NSMAF: variants seen among roughly 807,000 people sequenced by gnomAD.
NSMAF encodes neutral sphingomyelinase activation associated factor, also known as protein FAN.
Under a neutral mutation model 134.9 loss-of-function variants are expected in NSMAF, and 90 were observed. The ratio of observed to expected loss-of-function variants is 0.67; its 90% confidence interval spans 0.56 to 0.79. The LOEUF is 0.79. Ranked by LOEUF, NSMAF falls within the 30% of genes least tolerant of loss-of-function variation. NSMAF has a pLI of 0.00. For synonymous variants in NSMAF, 358 were observed against 389.6 expected (o/e 0.92, Z 0.96); for missense variants, 1,010 against 1,119.0 (o/e 0.90, Z 1.39).
intron 2 of NSMAF, chr8:58,639,908 A>G (rs903067631): frequency 3.1e-6 from 1 of 325,078 alleles, no homozygotes; most frequent in Non-Finnish European, 6.1e-6. Context: ...CAAATACTAC[A>G]TGATTTCACG....
chr8:58,659,732 T>C lies in NSMAF; in HGVS notation c.-101A>G. The C allele has an allele frequency of 1.0e-6, 1 of 960,842 alleles. No individual in the cohort carries two copies. Among genetic ancestry groups the C allele is most frequent in the Non-Finnish European group, 1.4e-6 (1 of 739,260 alleles). The allele number at this position is 960,842 out of a possible 1,614,324, so 59.5% of individuals were successfully genotyped here. On this transcript the variant is annotated 5_prime_UTR_variant, in exon 1 of 31. Transcript: ENST00000038176. Reference sequence around the variant, plus strand: ...GGGGAGGGCGGGATTGGTGGCCGGCTGGGGAGCGCGCGGCTGCCGGCCTGG... The same window carrying C: ...GGGGAGGGCGGGATTGGTGGCCGGCCGGGGAGCGCGCGGCTGCCGGCCTGG...
At chr8:58,589,716 C>G in intron 25 of NSMAF, 141 bp from the exon 26 acceptor site, 1 of 825,760 alleles carries the variant, frequency 1.2e-6, no homozygotes, top group Non-Finnish European at 1.7e-6. Context: ...TCTCAAATTA[C>G]TAAATCAAAA....
chr8:58,626,091 CTTTTT>C (rs1225264071), intron 6 of NSMAF, among the ~76,000 whole-genome samples: 1 of 99,370 alleles, frequency 1.0e-5, no homozygotes. Context: ...TTATATAATT[CTTTTT>C]TTTTTTTTTT....
intron 9 of NSMAF, among the ~76,000 whole-genome samples, 180 bp from the exon 10 acceptor site, chr8:58,609,913 G>GA (rs1271270894): frequency 2.6e-5 from 4 of 152,132 alleles, no homozygotes; most frequent in Non-Finnish European, 4.4e-5. Flanking sequence ...GAAATGGCAT[G>GA]ATAAAAACTC....
Position 58,586,440 on chromosome 8 carries a change from A to G in NSMAF, c.2446+18T>C. 2.5e-6 allele frequency: 4 copies of G among 1,608,524 alleles called. No homozygotes were observed. Among genetic ancestry groups the G allele is most frequent in the Non-Finnish European group, 3.4e-6 (4 of 1,175,886 alleles). ...CAATTTACCTAGTATTATCTGTTTTAAAAAGGATAATATCTACCTGGGCTA... is the reference window on the plus strand; with the variant it reads ...CAATTTACCTAGTATTATCTGTTTTGAAAAGGATAATATCTACCTGGGCTA... On this transcript the variant is annotated intron_variant, in intron 28 of 30. Coordinates refer to ENST00000038176, the MANE Select transcript of NSMAF (RefSeq NM_003580.4).
chr8:58,659,642 C>A lies in NSMAF; in HGVS notation c.-11G>T. On this transcript the variant is annotated 5_prime_UTR_variant, in exon 1 of 31. Transcript: ENST00000038176. ...CCGGATAAACGCCATGGAGGGTAGG[C>A]GCGGGCGGGCGCAGAGCGCACAGGC... 7.0e-7 allele frequency: 1 copy of A among 1,426,644 alleles called. No individual in the cohort carries two copies. Among genetic ancestry groups the A allele is most frequent in the Non-Finnish European group, 9.2e-7 (1 of 1,091,212 alleles). The allele number at this position is 1,426,644 out of a possible 1,614,324, so 88.4% of individuals were successfully genotyped here.
chr8:58,593,684 T>C (rs757253360), intron 23 of NSMAF, among the ~76,000 whole-genome samples: 1 of 152,256 alleles, frequency 6.6e-6, no homozygotes, highest in Admixed American at 6.5e-5. Flanking sequence ...TAGTAAGGGA[T>C]GCTTTCTGCT....
In NSMAF at chr8:58,603,382, G is replaced by A. The variant is rs1170361773; in HGVS notation, c.873C>T (p.His291=). ...TCTCAGCAGTGTGCTCCGCCACATG[G>A]TGCTCTGGGGGAAGAGGACCCACGA... ...LYFYIATYLE[H]HVAEHTAESY... is the part of the protein sequence containing the mutation. The change falls in exon 13 of 31, where the codon CAC becomes CAT. Residue 291 remains histidine (H), a synonymous_variant. Coordinates refer to ENST00000038176, the MANE Select transcript of NSMAF (RefSeq NM_003580.4). The A allele has an allele frequency of 6.2e-7, 1 of 1,613,398 alleles. No homozygotes were observed. Among genetic ancestry groups the A allele is most frequent in the Non-Finnish European group, 8.5e-7 (1 of 1,179,950 alleles).
intron 25 of NSMAF, 126 bp downstream of exon 25, chr8:58,589,879 AAT>A: frequency 2.7e-6 from 2 of 732,692 alleles, no homozygotes; most frequent in Non-Finnish European, 4.5e-6. Context: ...CCTCATCTCT[AAT>A]ATCTGTTCCC....
intron 27 of NSMAF, 108 bp downstream of exon 27, chr8:58,587,510 A>G: frequency 1.3e-6 from 1 of 774,378 alleles, no homozygotes; most frequent in Non-Finnish European, 2.2e-6. Context: ...ATAATCTTCC[A>G]TTAACCAAAT....
In NSMAF at chr8:58,607,841, C is replaced by T. The variant is rs1297565356; in HGVS notation, c.688-1G>A. The T allele has an allele frequency of 1.2e-6, 2 of 1,613,050 alleles. No individual in the cohort carries two copies. The highest frequency in any genetic ancestry group is 3.3e-5 in the Admixed American group (2 of 60,012). On this transcript the variant is annotated splice_acceptor_variant, in intron 10 of 30. Coordinates refer to ENST00000038176, the MANE Select transcript of NSMAF (RefSeq NM_003580.4). LOFTEE classifies it high-confidence loss of function. ...GGAGTGTTATCTGGACCACAGGTTT[C>T]TTTAAAAGTAGAAAGACAATCTCAA...
intron 6 of NSMAF, among the ~76,000 whole-genome samples, chr8:58,631,117 A>C (rs985254843): frequency 6.6e-6 from 1 of 152,234 alleles, no homozygotes; most frequent in Non-Finnish European, 1.5e-5. Flanking sequence ...TGAGTTCTCA[A>C]ATAAGAGTAT....
chr8:58,632,093 A>G (rs371914900), intron 5 of NSMAF, among the ~76,000 whole-genome samples: 1 of 152,192 alleles, frequency 6.6e-6, no homozygotes, highest in South Asian at 2.1e-4. Context: ...TCCTGCAACA[A>G]TGGAAGTTAC....
chr8:58,623,323 A>C, intron 8 of NSMAF, 51 bp from the exon 9 acceptor site: 1 of 1,596,474 alleles, frequency 6.3e-7, no homozygotes, highest in South Asian at 1.1e-5. Flanking sequence ...TATAAGTAAA[A>C]TATCAATACA....
intron 1 of NSMAF, among the ~76,000 whole-genome samples, chr8:58,658,618 A>G (rs573214975): frequency 2.8e-4 from 42 of 152,330 alleles, no homozygotes; most frequent in African/African-American, 9.6e-4. Context: ...GCACTGGAAG[A>G]TCTGTGGCTC....
rs757590219 is a variant in NSMAF, at chr8:58,607,835, A to G, written c.693T>C (p.Pro231=). 2 of 1,613,662 alleles carry G rather than the reference A, an allele frequency of 1.2e-6. No individual in the cohort carries two copies. The highest frequency in any genetic ancestry group is 8.5e-7 in the Non-Finnish European group (1 of 1,179,538). Residue 231 remains proline, a synonymous_variant, in exon 11 of 31, where the codon CCT becomes CCC. Transcript: ENST00000038176. ...YFQPLNGYPK[P]VVQITLQDVR... ...CATCTTGGAGTGTTATCTGGACCACAGGTTTCTTTAAAAGTAGAAAGACAA... is the reference window on the plus strand; with the variant it reads ...CATCTTGGAGTGTTATCTGGACCACGGGTTTCTTTAAAAGTAGAAAGACAA...
At chr8:58,630,143 G>A (rs546469571) in intron 6 of NSMAF, among the ~76,000 whole-genome samples, 3 of 152,226 alleles carry the variant, frequency 2.0e-5, no homozygotes, top group African/African-American at 4.8e-5. Flanking sequence ...TTTTTATACC[G>A]GCTTTGATGT....
intron 1 of NSMAF, among the ~76,000 whole-genome samples, chr8:58,647,815 G>A (rs1029160238): frequency 2.6e-5 from 4 of 152,142 alleles, no homozygotes; most frequent in African/African-American, 9.7e-5. Flanking sequence ...TGTAAATTAC[G>A]CAGCCTCAGG....
At chr8:58,639,890 C>G in intron 2 of NSMAF, 1 of 299,750 alleles carries the variant, frequency 3.3e-6, no homozygotes, top group Non-Finnish European at 6.6e-6. Flanking sequence ...AAGCCAGCCA[C>G]AGAAGGACAA....
Sources: gnomAD v4.1 joint callset for allele counts (sites outside exome capture counted in the v4.1 genomes callset) on GRCh38, gnomAD v4.1.1 for gene constraint, MANE v1.5 for transcripts, NCBI Gene and HGNC (gene_info 2026-07-23, HGNC 2026-07-21) for gene names.